Variants in ATG10 observed in about 807,000 individuals in gnomAD.
ATG10 encodes ubiquitin-like-conjugating enzyme ATG10.
Under a neutral mutation model 32.1 loss-of-function variants are expected in ATG10, and 30 were observed. The observed-to-expected ratio is 0.94, with a 90% CI of 0.70 to 1.27. ATG10 has a LOEUF of 1.27. Among genes scored for constraint, ATG10 ranks in the 50% most tolerant of loss-of-function variants. The pLI is 0.00. For synonymous variants in ATG10, 87 were observed against 91.5 expected (o/e 0.95, Z 0.28); for missense variants, 233 against 262.3 (o/e 0.89, Z 0.77).
chr5:82,203,777 G>T (rs762334206), intron 5 of ATG10, among the ~76,000 whole-genome samples: 14 of 152,048 alleles, frequency 9.2e-5, no homozygotes, highest in Non-Finnish European at 1.3e-4. Flanking sequence ...CAATCTTAAG[G>T]AAATGATGTG....
intron 5 of ATG10, among the ~76,000 whole-genome samples, chr5:82,208,565 T>G (rs1478177045): frequency 6.6e-6 from 1 of 152,212 alleles, no homozygotes; most frequent in African/African-American, 2.4e-5. Flanking sequence ...ACCAGTACAT[T>G]GTTGGGTGGA....
At chr5:82,075,300 A>T (rs1328877484) in intron 3 of ATG10, among the ~76,000 whole-genome samples, 1 of 152,182 alleles carries the variant, frequency 6.6e-6, no homozygotes, top group African/African-American at 2.4e-5. Context: ...GGACATAGAG[A>T]GGTTAGACCA....
chr5:82,203,506 G>A (rs1387349653), intron 5 of ATG10, among the ~76,000 whole-genome samples: 2 of 152,148 alleles, frequency 1.3e-5, no homozygotes, highest in Non-Finnish European at 2.9e-5. Flanking sequence ...GTTTTAATCG[G>A]TGGGAGAGAT....
intron 5 of ATG10, among the ~76,000 whole-genome samples, chr5:82,178,840 T>G (rs1387707630): frequency 6.6e-6 from 1 of 152,128 alleles, no homozygotes; most frequent in Non-Finnish European, 1.5e-5. Flanking sequence ...AAATTACATA[T>G]TAGGATGATT....
At chr5:82,035,655 G>T (rs1762896052) in intron 2 of ATG10, among the ~76,000 whole-genome samples, 1 of 150,824 alleles carries the variant, frequency 6.6e-6, no homozygotes, top group Non-Finnish European at 1.5e-5. Flanking sequence ...TTGGTCATTG[G>T]TATTTCTTTT....
intron 5 of ATG10, among the ~76,000 whole-genome samples, chr5:82,246,666 G>A (rs927052575): frequency 6.6e-6 from 1 of 151,824 alleles, no homozygotes; most frequent in Non-Finnish European, 1.5e-5. Context: ...CAACACTAGA[G>A]TGTTCATGAT....
At chr5:82,214,031 C>G (rs1403670652) in intron 5 of ATG10, among the ~76,000 whole-genome samples, 1 of 152,206 alleles carries the variant, frequency 6.6e-6, no homozygotes, top group East Asian at 1.9e-4. Context: ...ATATGAGGCT[C>G]TGCCTCACCG....
At chr5:82,226,243 G>T (rs1202366123) in intron 5 of ATG10, among the ~76,000 whole-genome samples, 3 of 152,166 alleles carry the variant, frequency 2.0e-5, no homozygotes, top group African/African-American at 4.8e-5. Context: ...TTAGCAGCTT[G>T]CTTTCTTGTA....
At chr5:82,200,287 T>G (rs1332607310) in intron 5 of ATG10, among the ~76,000 whole-genome samples, 2 of 151,780 alleles carry the variant, frequency 1.3e-5, no homozygotes, top group Non-Finnish European at 2.9e-5. Flanking sequence ...CGGCACCTGG[T>G]ATTGTCAGTT....
In ATG10 at chr5:82,178,496, G is replaced by A. The variant is rs1160379912; in HGVS notation, c.362G>A (p.Arg121Lys). ...TTACCATGCACTTTCACAGATGGGA[G>A]ACCTTTAACTCTGAAGGACATATGG... ...LYFRASFLDGRPLTLKDIWEG... is the reference protein window; with the variant it reads ...LYFRASFLDGKPLTLKDIWEG... Residue 121 changes from arginine to lysine, a missense_variant, in exon 5 of 8, where the codon AGA becomes AAA. By Grantham distance (26) the Arg-to-Lys change is conservative. Coordinates refer to ENST00000282185, the MANE Select transcript of ATG10 (RefSeq NM_031482.5). 6.2e-7 allele frequency: 1 copy of A among 1,604,302 alleles called. No homozygotes were observed.
intron 3 of ATG10, among the ~76,000 whole-genome samples, chr5:82,156,802 T>C (rs1163599062): frequency 6.6e-6 from 1 of 152,248 alleles, no homozygotes; most frequent in Non-Finnish European, 1.5e-5. Flanking sequence ...TCTTTTACTT[T>C]TAGATGTATA....
chr5:82,075,981 A>G (rs1764261765), intron 3 of ATG10, among the ~76,000 whole-genome samples: 3 of 152,114 alleles, frequency 2.0e-5, no homozygotes, highest in Admixed American at 2.0e-4. Context: ...AACAACAAAA[A>G]GTCTTTATAG....
intron 5 of ATG10, among the ~76,000 whole-genome samples, chr5:82,211,766 A>G (rs1025646855): frequency 6.6e-6 from 1 of 152,170 alleles, no homozygotes; most frequent in African/African-American, 2.4e-5. Flanking sequence ...TTTCAACTCT[A>G]GCGTCCCCCA....
chr5:81,986,522 C>T (rs1761279227), intron 1 of ATG10, among the ~76,000 whole-genome samples: 1 of 152,040 alleles, frequency 6.6e-6, no homozygotes, highest in Non-Finnish European at 1.5e-5. Context: ...AATAGATATT[C>T]ACTATGTATT....
At chr5:82,146,889 T>C (rs1324494664) in intron 3 of ATG10, among the ~76,000 whole-genome samples, 1 of 152,214 alleles carries the variant, frequency 6.6e-6, no homozygotes, top group Non-Finnish European at 1.5e-5. Context: ...TTTCAACATC[T>C]AGATAACCTA....
At chr5:82,105,132 G>C (rs534164767) in intron 3 of ATG10, among the ~76,000 whole-genome samples, 4 of 152,076 alleles carry the variant, frequency 2.6e-5, no homozygotes, top group East Asian at 1.9e-4. Flanking sequence ...GTAATTTGCT[G>C]TACTGGTATT....
At chr5:82,075,827 C>T (rs956013620) in intron 3 of ATG10, among the ~76,000 whole-genome samples, 39 of 152,028 alleles carry the variant, frequency 2.6e-4, no homozygotes, top group African/African-American at 7.5e-4. Context: ...TTCAGCTACT[C>T]GGGAGGCTGA....
chr5:82,083,490 C>A (rs1157771389), intron 3 of ATG10, among the ~76,000 whole-genome samples: 1 of 152,178 alleles, frequency 6.6e-6, no homozygotes, highest in Non-Finnish European at 1.5e-5. Flanking sequence ...TAGTGGTCCT[C>A]CCAGCACAGA....
At chr5:81,996,418 T>G (rs185406796) in intron 2 of ATG10, among the ~76,000 whole-genome samples, 7 of 152,266 alleles carry the variant, frequency 4.6e-5, no homozygotes, top group Admixed American at 3.9e-4. Context: ...TTAAATTTTT[T>G]TTGTAGAGAT....
Sources: allele counts gnomAD v4.1 joint callset (sites outside exome capture counted in the v4.1 genomes callset), GRCh38; gene constraint gnomAD v4.1.1; transcripts MANE v1.5; gene names NCBI Gene and HGNC (gene_info 2026-07-23, HGNC 2026-07-21).